NBPF12: variants seen among roughly 807,000 people sequenced by gnomAD.
NBPF12 encodes the protein NBPF family member NBPF12.
In NBPF12, 115 loss-of-function variants were observed where a neutral mutation model predicts 146.4. The observed-to-expected ratio is 0.79, with a 90% CI of 0.68 to 0.92. The LOEUF (loss-of-function observed/expected upper bound fraction) is 0.92. Ranked by LOEUF, NBPF12 falls within the 40% of genes least tolerant of loss-of-function variation. The pLI is 0.00. For missense variants in NBPF12, 1,205 were observed against 1,326.8 expected (o/e 0.91, Z 1.43); for synonymous variants, 385 against 508.9 (o/e 0.76, Z 3.28).
In NBPF12 at chr1:146,970,639, A is replaced by T; in HGVS notation, c.1307-8A>T. On this transcript the variant is annotated splice_polypyrimidine_tract_variant and splice_region_variant and intron_variant, in intron 11 of 33. Coordinates refer to ENST00000617844, the Ensembl canonical transcript of NBPF12. ...GAAAATATCTGAACGAACATTTTGT[A>T]TTTATAGAAAATGATGAAGATGAGG... 1 of 1,547,032 alleles carries T rather than the reference A, an allele frequency of 6.5e-7. No homozygotes were observed. Among genetic ancestry groups the T allele is most frequent in the Non-Finnish European group, 8.9e-7 (1 of 1,122,458 alleles).
upstream of NBPF12, among the ~76,000 whole-genome samples, chr1:146,949,092 C>T (rs1239142489): frequency 5.9e-5 from 9 of 152,114 alleles, no homozygotes; most frequent in Non-Finnish European, 1.3e-4. Flanking sequence ...CGGAAACGCC[C>T]GATAATGATC....
intron 31 of NBPF12, among the ~76,000 whole-genome samples, chr1:146,992,272 G>T (rs1570902204): frequency 1.5e-5 from 2 of 132,996 alleles, no homozygotes; most frequent in South Asian, 2.3e-4. Flanking sequence ...TTCAAAAACT[G>T]TATTCTCATG....
chr1:146,968,575 CAGG>C (rs1322650621), intron 10 of NBPF12, 25 bp downstream of exon 13: 1 of 1,556,590 alleles, frequency 6.4e-7, no homozygotes, highest in African/African-American at 1.4e-5. Flanking sequence ...TGGGGGCAGG[CAGG>C]GGGGCAGGTG....
At chr1:146,961,744 A>G (rs1159717546) in intron 4 of NBPF12, among the ~76,000 whole-genome samples, 28 of 151,886 alleles carry the variant, frequency 1.8e-4, no homozygotes, top group Admixed American at 3.3e-4. Context: ...AATACCCAGT[A>G]AAAGGGAAAC....
upstream of NBPF12, among the ~76,000 whole-genome samples, chr1:146,945,031 C>T (rs1654979092): frequency 2.0e-5 from 2 of 100,184 alleles, no homozygotes; most frequent in South Asian, 4.1e-4. Flanking sequence ...TCCCTTCCTT[C>T]CTCCCTCCCT....
chr1:146,965,586 T>C (rs1283235923), intron 8 of NBPF12, among the ~76,000 whole-genome samples: 1 of 141,022 alleles, frequency 7.1e-6, no homozygotes, highest in Non-Finnish European at 1.5e-5. Context: ...ATTGAGACCA[T>C]CCTGGCTAAC....
At chr1:146,961,374 C>T (rs1274852545) in intron 4 of NBPF12, among the ~76,000 whole-genome samples, 1 of 151,454 alleles carries the variant, frequency 6.6e-6, no homozygotes, top group Non-Finnish European at 1.5e-5. Context: ...CCTCAGTTTC[C>T]TCATCTGTTC....
chr1:146,994,136 C>G (rs1447737592), intron 33 of NBPF12, among the ~76,000 whole-genome samples, 196 bp from the exon 37 acceptor site: 2 of 126,404 alleles, frequency 1.6e-5, no homozygotes, highest in South Asian at 2.9e-4. Flanking sequence ...CTGTCTCTCT[C>G]TCTCTGTCTT....
At chr1:146,964,464 G>A in intron 7 of NBPF12, 35 bp downstream of exon 10, 1 of 1,595,130 alleles carries the variant, frequency 6.3e-7, no homozygotes, top group African/African-American at 1.3e-5. Context: ...GTAATGGGTG[G>A]TAACATATGA....
intron 19 of NBPF12, among the ~76,000 whole-genome samples, chr1:146,982,080 C>T: frequency 6.7e-6 from 1 of 149,398 alleles, no homozygotes. Flanking sequence ...CATTCTCCAT[C>T]CTGCTTTGTT....
intron 2 of NBPF12, among the ~76,000 whole-genome samples, chr1:146,957,925 AAT>A (rs1275305439): frequency 2.5e-5 from 3 of 121,700 alleles, no homozygotes; most frequent in South Asian, 3.8e-4. Flanking sequence ...ACACGTATAT[AAT>A]ATATATTCGT....
chr1:146,972,957 T>C (rs1250988280), exon 14 of NBPF12: 1 of 921,334 alleles, frequency 1.1e-6, no homozygotes. Context: ...GCAGAACAAA[T>C]ACAGTAAGAT....
At chr1:146,954,958 T>G in intron 2 of NBPF12, among the ~76,000 whole-genome samples, 1 of 107,472 alleles carries the variant, frequency 9.3e-6, no homozygotes, top group Non-Finnish European at 1.9e-5. Flanking sequence ...GATTATCATC[T>G]CCAAATAGGG....
chr1:146,945,407 G>C (rs1351545687), upstream of NBPF12, among the ~76,000 whole-genome samples: 3 of 151,618 alleles, frequency 2.0e-5, no homozygotes, highest in Admixed American at 2.0e-4. Context: ...GTCCTTACCA[G>C]AACCCTGCAC....
At chr1:146,978,083 C>A (rs1166334996) in intron 18 of NBPF12, among the ~76,000 whole-genome samples, 216 of 151,744 alleles carry the variant, frequency 1.4e-3, no homozygotes, top group African/African-American at 4.9e-3. Context: ...TCACTGCTCT[C>A]AGCTTTCATC....
upstream of NBPF12, among the ~76,000 whole-genome samples, chr1:146,948,290 A>G (rs1297507615): frequency 1.3e-5 from 2 of 151,942 alleles, no homozygotes; most frequent in Admixed American, 1.3e-4. Context: ...GATTACAGAT[A>G]TGAGCCACGG....
In NBPF12 at chr1:146,975,903, A is replaced by C; in HGVS notation, c.2119+12A>C. The C allele has an allele frequency of 1.2e-6, 2 of 1,606,564 alleles. 1 individual carries two copies. On this transcript the variant is annotated intron_variant, in intron 16 of 33. Transcript: ENST00000617844. ...AAAGCTCAGCCCAGGTAAGGTGGCC[A>C]TAGGCCCTGATGACCCAAAACCCCA...
exon 34 of NBPF12, chr1:146,994,363 C>G (rs587627377): frequency 2.9e-5 from 47 of 1,612,164 alleles, no homozygotes; most frequent in Non-Finnish European, 3.6e-5. Flanking sequence ...AGTGGAAGAG[C>G]CTGAAGTCTT....
chr1:146,973,818 T>G (rs1287436625), intron 14 of NBPF12, among the ~76,000 whole-genome samples: 1 of 146,300 alleles, frequency 6.8e-6, no homozygotes, highest in Non-Finnish European at 1.5e-5. Context: ...AAAATAAGAA[T>G]AAAAAGCAGA....
Sources: allele counts gnomAD v4.1 joint callset (sites outside exome capture counted in the v4.1 genomes callset), GRCh38; gene constraint gnomAD v4.1.1; transcripts MANE v1.5; gene names NCBI Gene and HGNC (gene_info 2026-07-23, HGNC 2026-07-21).